The following SBSN variants were observed in gnomAD, a reference collection of about 807,000 sequenced individuals.
The protein encoded by SBSN is suprabasin.
SBSN carries 33 observed loss-of-function variants against 42.8 expected under a neutral mutation model. That is an observed-to-expected ratio of 0.77 (90% CI 0.58 to 1.03). The LOEUF (loss-of-function observed/expected upper bound fraction) is 1.03. SBSN is among the 50% of genes least tolerant of loss of function. SBSN has a pLI of 0.00. For missense variants in SBSN, 646 were observed against 757.3 expected, an observed-to-expected ratio of 0.85 and a Z score of 1.72; for synonymous variants, 276 against 307.0, an observed-to-expected ratio of 0.90 and a Z score of 1.06.
rs376848705 is a variant in SBSN, at chr19:35,523,473, C to T, written c.*37G>A. 25 of 1,611,048 alleles carry T rather than the reference C, an allele frequency of 1.6e-5. No individual in the cohort carries two copies. The highest frequency in any genetic ancestry group is 8.0e-5 in the African/African-American group (6 of 74,780). Reference sequence around the variant, plus strand: ...CAGGTCATGTCAGCTGATGTGACAACGGCGACATTATTCTCCCAGCAAGGC... The same window carrying T: ...CAGGTCATGTCAGCTGATGTGACAATGGCGACATTATTCTCCCAGCAAGGC... On this transcript the variant is annotated 3_prime_UTR_variant, in exon 4 of 4. Coordinates refer to ENST00000452271, the MANE Select transcript of SBSN (RefSeq NM_001166034.2).
chr19:35,523,562 A>G, intron 3 of SBSN, 29 bp from the exon 4 acceptor site: 4 of 1,613,612 alleles, frequency 2.5e-6, no homozygotes, highest in Non-Finnish European at 3.4e-6. Context: ...GCAGGGGTGA[A>G]TGTAGGGTCC....
intron 1 of SBSN, 42 bp from the exon 2 acceptor site, chr19:35,524,966 C>A (rs373594670): frequency 2.5e-6 from 4 of 1,602,838 alleles, no homozygotes; most frequent in African/African-American, 2.7e-5. Flanking sequence ...CCCACAAACG[C>A]GGAGGGTCTC....
rs2071407464 is a variant in SBSN at position 35,528,285 on chromosome 19, G to T, written c.-4C>A. Reference sequence around the variant, plus strand: ...CGACCAGACGTGCAAGATGCATATTGCTGGGAAGGTCGGGAAGGATGCAGA... The same window carrying T: ...CGACCAGACGTGCAAGATGCATATTTCTGGGAAGGTCGGGAAGGATGCAGA... On this transcript the variant is annotated 5_prime_UTR_variant, in exon 1 of 4. Coordinates refer to ENST00000452271, the MANE Select transcript of SBSN (RefSeq NM_001166034.2). The T allele has an allele frequency of 1.2e-6, 2 of 1,602,510 alleles. No homozygotes were observed. Among genetic ancestry groups the T allele is most frequent in the Middle Eastern group, 3.3e-4 (2 of 6,012 alleles).
In SBSN at chr19:35,523,402, C is replaced by T. The variant is rs984835876; in HGVS notation, c.*108G>A. ...AGTTTATTCACAAATCCCAGTACAA[C>T]CCCCTTCAGGGATTTCAGAAACCTG... On this transcript the variant is annotated 3_prime_UTR_variant, in exon 4 of 4. Transcript: ENST00000452271. The T allele has an allele frequency of 3.7e-6, 4 of 1,080,646 alleles. No homozygotes were observed. The highest frequency in any genetic ancestry group is 3.5e-5 in the Admixed American group (2 of 57,486). The allele number at this position is 1,080,646 out of a possible 1,614,324, so 66.9% of individuals were successfully genotyped here.
At chr19:35,525,100 C>T (rs1222764689) in intron 1 of SBSN, among the ~76,000 whole-genome samples, 176 bp from the exon 2 acceptor site, 1 of 152,206 alleles carries the variant, frequency 6.6e-6, no homozygotes, top group Non-Finnish European at 1.5e-5. Flanking sequence ...CTCGCGTGGG[C>T]ATTCTGCCTC....
Position 35,526,973 on chromosome 19 carries a change from C to T in SBSN, c.1309G>A (p.Gly437Arg), listed in dbSNP as rs2071381057. ...TGGACACCATGAACTGCTATGTCTCCCTCTTTCCCAGCCTGCCCTGCTGTG... is the reference window on the plus strand; with the variant it reads ...TGGACACCATGAACTGCTATGTCTCTCTCTTTCCCAGCCTGCCCTGCTGTG... ...HHTAGQAGKE[G>R]DIAVHGVQPG... is the part of the protein sequence containing the mutation. The change falls in exon 1 of 4, where the codon GGA (glycine) becomes AGA (arginine). Residue 437 changes from glycine to arginine, a missense_variant. By Grantham distance (125) the Gly-to-Arg change is moderately radical (BLOSUM62 -2). This residue lies in a region of SBSN where 236 missense variants were observed against 225.6 expected (regional missense o/e 1.05). Coordinates refer to ENST00000452271, the MANE Select transcript of SBSN (RefSeq NM_001166034.2). 1.9e-6 allele frequency: 3 copies of T among 1,559,328 alleles called. No homozygotes were observed. Among genetic ancestry groups the T allele is most frequent in the Non-Finnish European group, 2.6e-6 (3 of 1,152,206 alleles).
In SBSN at chr19:35,528,223, G is replaced by C. The variant is rs781734427; in HGVS notation, c.59C>G (p.Ser20Cys). 1.9e-6 allele frequency: 3 copies of C among 1,613,882 alleles called. No individual in the cohort carries two copies. The highest frequency in any genetic ancestry group is 2.5e-6 in the Non-Finnish European group (3 of 1,180,036). ...CSLLLLLGAL[S>C]GWAASDDPIE... ...GGGGTCATCGCTGGCCGCCCATCCA[G>C]ACAGGGCCCCCAGTAGCAGAAGGAG... Residue 20 changes from serine to cysteine, a missense_variant, in exon 1 of 4, where the codon TCT (serine) becomes TGT (cysteine). Ser to Cys is a moderately radical substitution (Grantham distance 112, BLOSUM62 -1). This residue lies in a region of SBSN where 190 missense variants were observed against 197.1 expected (regional missense o/e 0.96). Coordinates refer to ENST00000452271, the MANE Select transcript of SBSN (RefSeq NM_001166034.2).
chr19:35,527,183 T>C lies in SBSN; in HGVS notation c.1099A>G (p.Lys367Glu), dbSNP rs2146284420. 1 of 1,535,628 alleles carries C rather than the reference T, an allele frequency of 6.5e-7. No homozygotes were observed. The change falls in exon 1 of 4, where the codon AAG becomes GAG. Residue 367 changes from lysine (K) to glutamate (E), a missense_variant. Physicochemically the swap from Lys to Glu is moderately conservative, Grantham distance 56 (BLOSUM62 1). Coordinates refer to ENST00000452271, the MANE Select transcript of SBSN (RefSeq NM_001166034.2). ...AASQFGKETEKLGHGVHHGVN... is the reference protein window; with the variant it reads ...AASQFGKETEELGHGVHHGVN... ...CCATGGTGGACCCCATGGCCGAGCTTCTCTGTTTCCTTCCCAAACTGACTG... is the reference window on the plus strand; with the variant it reads ...CCATGGTGGACCCCATGGCCGAGCTCCTCTGTTTCCTTCCCAAACTGACTG...
At chr19:35,524,825 G>T (rs73030916) in intron 2 of SBSN, 34 bp downstream of exon 2, 181,621 of 1,613,290 alleles carry the variant, frequency 0.11, 14,683 homozygotes, top group East Asian at 0.39. Flanking sequence ...ACTCCCAGGG[G>T]CCTCCTCTCC....
In SBSN at chr19:35,527,942, T is replaced by C; in HGVS notation, c.340A>G (p.Lys114Glu). Reference sequence around the variant, plus strand: ...GCGTTGTTGACCCCATGGCCAAGCTTCTCTGCTTCCTTTCCTGCTTGTCCA... The same window carrying C: ...GCGTTGTTGACCCCATGGCCAAGCTCCTCTGCTTCCTTTCCTGCTTGTCCA... ...GIGQAGKEAE[K>E]LGHGVNNAAG... Residue 114 changes from lysine to glutamate, a missense_variant, in exon 1 of 4, where the codon AAG (lysine) becomes GAG (glutamate). Lys to Glu is a moderately conservative substitution (Grantham distance 56, BLOSUM62 1). Coordinates refer to ENST00000452271, the MANE Select transcript of SBSN (RefSeq NM_001166034.2). The C allele has an allele frequency of 1.2e-6, 2 of 1,614,130 alleles. No individual in the cohort carries two copies. The highest frequency in any genetic ancestry group is 8.5e-7 in the Non-Finnish European group (1 of 1,180,026).
rs772645369 is a variant in SBSN, at chr19:35,526,906, C to T, written c.1376G>A (p.Gly459Asp). The change falls in exon 1 of 4, where the codon GGC (glycine) becomes GAC (aspartate). Residue 459 changes from glycine to aspartate, a missense_variant. Around this residue, in one of 3 missense-constraint regions of SBSN, gnomAD observed 236 missense variants for 225.6 expected, o/e 1.05. Transcript: ENST00000452271. ...TTCAAGGGTATGGTGAACTCCCTGG[C>T]CAAACTGCCCTGCCTCCTTCCCGGC... ...HEAGKEAGQFGQGVHHTLEQA... is the reference protein window; with the variant it reads ...HEAGKEAGQFDQGVHHTLEQA... 9 of 1,609,664 alleles carry T rather than the reference C, an allele frequency of 5.6e-6. No homozygotes were observed. Among genetic ancestry groups the T allele is most frequent in the Non-Finnish European group, 7.6e-6 (9 of 1,178,028 alleles).
In SBSN at chr19:35,524,906, A is replaced by T; in HGVS notation, c.1657T>A (p.Ser553Thr). ...QLLNGNHQSG[S>T]SSHQGGATTT... ...GTGGCCCCTCCTTGATGGCTGGAAG[A>T]TCCGCTTTGATGGTTGCCCTGTGGA... Residue 553 changes from serine to threonine, a missense_variant, in exon 2 of 4, where the codon TCT (serine) becomes ACT (threonine). Physicochemically the swap from Ser to Thr is moderately conservative, Grantham distance 58 (BLOSUM62 1). Coordinates refer to ENST00000452271, the MANE Select transcript of SBSN (RefSeq NM_001166034.2). The T allele has an allele frequency of 6.2e-7, 1 of 1,614,010 alleles. No individual in the cohort carries two copies. Among genetic ancestry groups the T allele is most frequent in the Non-Finnish European group, 8.5e-7 (1 of 1,179,982 alleles).
At chr19:35,526,499 G>T in intron 1 of SBSN, 145 bp downstream of exon 1, 1 of 759,368 alleles carries the variant, frequency 1.3e-6, no homozygotes, top group Non-Finnish European at 2.1e-6. Context: ...GGGGAAGGGG[G>T]AGGAACCCAG....
In SBSN at chr19:35,527,374, G is replaced by A. The variant is rs2071389347; in HGVS notation, c.908C>T (p.Ala303Val). 23 of 1,552,490 alleles carry A rather than the reference G, an allele frequency of 1.5e-5. No homozygotes were observed. Among genetic ancestry groups the A allele is most frequent in the Non-Finnish European group, 2.0e-5 (23 of 1,159,990 alleles). ...TGCCTCATTTCCGGCCTGCCCCGCA[G>A]CATGGTGGGCCCCCTGGCCAAACTT... ...AEKFGQGAHH[A>V]AGQAGNEAGR... The change falls in exon 1 of 4, where the codon GCT becomes GTT. Residue 303 changes from alanine to valine, a missense_variant. Physicochemically the swap from Ala to Val is moderately conservative, Grantham distance 64. Coordinates refer to ENST00000452271, the MANE Select transcript of SBSN (RefSeq NM_001166034.2).
intron 3 of SBSN, among the ~76,000 whole-genome samples, chr19:35,524,384 T>TGAG (rs58080934): frequency 0.58 from 87,479 of 151,332 alleles, 25,395 homozygotes; most frequent in African/African-American, 0.63. Context: ...AATCGAGGAA[T>TGAG]GACAAGGAGA....
In SBSN at chr19:35,523,647, G is replaced by A. The variant is rs544553708; in HGVS notation, c.1750-114C>T. 137 of 1,040,908 alleles carry A rather than the reference G, an allele frequency of 1.3e-4. 1 individual carries two copies. The South Asian group carries it at 1.5e-3, about 12-fold the overall frequency. The allele number at this position is 1,040,908 out of a possible 1,614,324, so 64.5% of individuals were successfully genotyped here. A position where few individuals can be genotyped will look rare whatever the true frequency, so the allele number is the denominator to read the frequency against. On this transcript the variant is annotated intron_variant, in intron 3 of 3. Coordinates refer to ENST00000452271, the MANE Select transcript of SBSN (RefSeq NM_001166034.2). ...CAAGGGGACTGGCTGCTCTGGCCCCGGAGTTATGTTCTGGGGAAGTTTCAG... is the reference window on the plus strand; with the variant it reads ...CAAGGGGACTGGCTGCTCTGGCCCCAGAGTTATGTTCTGGGGAAGTTTCAG...
chr19:35,526,597 C>CA, intron 1 of SBSN, 47 bp downstream of exon 1: 1 of 744,366 alleles, frequency 1.3e-6, no homozygotes, highest in Non-Finnish European at 2.1e-6. Context: ...TAACCTTTCC[C>CA]TCCCCCAACC....
rs926341721 is a variant in SBSN at position 35,524,743 on chromosome 19, T to C, written c.1717A>G (p.Thr573Ala). 1 of 1,613,842 alleles carries C rather than the reference T, an allele frequency of 6.2e-7. No individual in the cohort carries two copies. ...TPLASGASVN[T>A]PFINLPALWR... ...AGGGCGGGAAGGTTGATGAAAGGCG[T>C]GTTGACCGAGGCCTGCAATTCAAGG... is the stretch of plus-strand genomic sequence containing the variant. Residue 573 changes from threonine (T) to alanine (A), a missense_variant, in exon 3 of 4, where the codon ACG becomes GCG. Coordinates refer to ENST00000452271, the MANE Select transcript of SBSN (RefSeq NM_001166034.2).
Position 35,526,917 on chromosome 19 carries a change from T to C in SBSN, c.1365A>G (p.Ala455=). ...QPGVHEAGKE[A]GQFGQGVHHT... is the part of the protein sequence containing the mutation. The stretch of plus-strand genomic sequence containing the variant: ...GGTGAACTCCCTGGCCAAACTGCCC[T>C]GCCTCCTTCCCGGCCTCGTGGACCC... The change falls in exon 1 of 4, where the codon GCA becomes GCG. Residue 455 remains alanine (A), a synonymous_variant. Transcript: ENST00000452271. The C allele has an allele frequency of 6.2e-7, 1 of 1,606,190 alleles. No individual in the cohort carries two copies. Among genetic ancestry groups the C allele is most frequent in the Non-Finnish European group, 8.5e-7 (1 of 1,176,266 alleles).
Sources: allele counts gnomAD v4.1 joint callset (sites outside exome capture counted in the v4.1 genomes callset), GRCh38; gene constraint gnomAD v4.1.1; regional missense constraint gnomAD v4.1.1; transcripts MANE v1.5; gene names NCBI Gene and HGNC (gene_info 2026-07-23, HGNC 2026-07-21).